NBN: variants seen among roughly 807,000 people sequenced by gnomAD.
The protein encoded by NBN is Nijmegen breakage syndrome 1 (nibrin).
NBN carries 88 observed loss-of-function variants against 90.8 expected under a neutral mutation model. The ratio of observed to expected loss-of-function variants is 0.97; its 90% CI spans 0.82 to 1.16. NBN has a LOEUF of 1.16. NBN is among the 50% of genes most tolerant of loss of function. The probability of loss-of-function intolerance (pLI) is 0.00; values close to 1 mark genes in which losing one functional copy is unlikely to be tolerated. For missense variants in NBN, 894 were observed against 869.6 expected, an observed-to-expected ratio of 1.03 and a Z score of -0.35; for synonymous variants, 328 against 295.1, an observed-to-expected ratio of 1.11 and a Z score of -1.14.
At chr8:89,946,101 T>C in intron 13 of NBN, 39 bp downstream of exon 13, 1 of 1,456,934 alleles carries the variant, frequency 6.9e-7, no homozygotes, top group South Asian at 1.1e-5. Context: ...TAAAAACATT[T>C]CAAACACTGA....
intron 11 of NBN, among the ~76,000 whole-genome samples, chr8:89,952,579 C>T (rs940346023): frequency 6.6e-6 from 1 of 152,160 alleles, no homozygotes; most frequent in African/African-American, 2.4e-5. Flanking sequence ...TATCCTTTCG[C>T]CTATTCCTGT....
At chr8:89,944,504 CTTCTGCAGTG>C (rs1384538791) in intron 13 of NBN, among the ~76,000 whole-genome samples, 1 of 152,168 alleles carries the variant, frequency 6.6e-6, no homozygotes, top group Non-Finnish European at 1.5e-5. Context: ...CCTCTGCATT[CTTCTGCAGTG>C]TTCTTCCTTT....
intron 14 of NBN, among the ~76,000 whole-genome samples, chr8:89,942,319 A>C (rs1403524149): frequency 6.6e-6 from 1 of 152,172 alleles, no homozygotes; most frequent in East Asian, 1.9e-4. Flanking sequence ...TGATTCAAAG[A>C]ATCACAAGGA....
chr8:89,960,903 C>T (rs1006033151), intron 8 of NBN, among the ~76,000 whole-genome samples: 24 of 152,108 alleles, frequency 1.6e-4, no homozygotes, highest in Admixed American at 1.5e-3. Flanking sequence ...CTCTGTTCCC[C>T]CAAAGTTGGT....
chr8:89,947,656 AAAT>A lies in NBN; in HGVS notation c.1914+165_1914+167del, dbSNP rs531725950. On this transcript the variant is annotated intron_variant, in intron 12 of 15. Coordinates refer to ENST00000265433, the MANE Select transcript of NBN (RefSeq NM_002485.5). ...AAATAAATAAATAAACAAATAAATA[AAAT>A]AATAATAATAATAATACCATGATCA... 1.4e-3 allele frequency among the ~76,000 whole-genome samples: 211 copies of A among 151,828 alleles called. 1 individual carries two copies. The East Asian group carries it at 0.018, about 13-fold the overall frequency.
chr8:89,954,165 G>A (rs1382794118), intron 10 of NBN, among the ~76,000 whole-genome samples: 1 of 152,052 alleles, frequency 6.6e-6, no homozygotes, highest in East Asian at 1.9e-4. Flanking sequence ...CAAATGCTAT[G>A]TGAATATATC....
intron 5 of NBN, among the ~76,000 whole-genome samples, chr8:89,976,008 T>C (rs1251410010): frequency 6.6e-6 from 1 of 152,128 alleles, no homozygotes; most frequent in Non-Finnish European, 1.5e-5. Context: ...GATCAGTGCT[T>C]TCAACTTCTT....
At chr8:89,936,904 T>C in intron 15 of NBN, 122 bp downstream of exon 15, 2 of 732,982 alleles carry the variant, frequency 2.7e-6, no homozygotes, top group East Asian at 5.3e-5. Context: ...TAAACACTTG[T>C]GTTAGGTGAA....
Position 89,958,784 on chromosome 8 carries a change from G to A in NBN, c.1065C>T (p.Ser355=), listed in dbSNP as rs876659205. 2.1e-5 allele frequency: 34 copies of A among 1,613,934 alleles called. No individual in the cohort carries two copies. Among genetic ancestry groups the A allele is most frequent in the Middle Eastern group, 1.6e-4 (1 of 6,082 alleles). Residue 355 remains serine (S), a synonymous_variant, in exon 9 of 16, where the codon AGC becomes AGT. Coordinates refer to ENST00000265433, the MANE Select transcript of NBN (RefSeq NM_002485.5). ...CGTATGTTGTAGTGTTCACTGGGGC[G>A]CTTGGCATTAGTTTTTCATCAACTG... ...GVSVDEKLMP[S]APVNTTTYVA...
chr8:89,952,265 T>C (rs1810478330), intron 11 of NBN, among the ~76,000 whole-genome samples: 1 of 152,200 alleles, frequency 6.6e-6, no homozygotes, highest in Non-Finnish European at 1.5e-5. Flanking sequence ...AGGGAACTTA[T>C]CCTGGGAAGG....
chr8:89,953,163 T>C lies in NBN; in HGVS notation c.1845+81A>G, dbSNP rs1184659393. Reference sequence around the variant, plus strand: ...TGTTAAAGACATTAATGGATGCTCATACTGTCAATACAAAATCGAAAGTAC... The same window carrying C: ...TGTTAAAGACATTAATGGATGCTCACACTGTCAATACAAAATCGAAAGTAC... On this transcript the variant is annotated intron_variant, in intron 11 of 15. Coordinates refer to ENST00000265433, the MANE Select transcript of NBN (RefSeq NM_002485.5). 11 of 1,014,772 alleles carry C rather than the reference T, an allele frequency of 1.1e-5. No individual in the cohort carries two copies. The African/African-American group carries it at 1.1e-4, about 10-fold the overall frequency. The allele number at this position is 1,014,772 out of a possible 1,614,324, so 62.9% of individuals were successfully genotyped here.
rs2129888979 is a variant in NBN, at chr8:89,978,270, A to T, written c.534T>A (p.Thr178=). 6 of 1,603,024 alleles carry T rather than the reference A, an allele frequency of 3.7e-6. No homozygotes were observed. Among genetic ancestry groups the T allele is most frequent in the Non-Finnish European group, 5.1e-6 (6 of 1,170,074 alleles). ...GRPIVKPEYF[T]EFLKAVESKK... ...TGGACTCAACTGCTTTCAGGAATTCAGTAAAATATTCTGGCTTTACAATTG... is the reference window on the plus strand; with the variant it reads ...TGGACTCAACTGCTTTCAGGAATTCTGTAAAATATTCTGGCTTTACAATTG... The change falls in exon 5 of 16, where the codon ACT becomes ACA. Residue 178 remains threonine, a synonymous_variant. Transcript: ENST00000265433.
In NBN at chr8:89,953,402, A is replaced by C; in HGVS notation, c.1687T>G (p.Leu563Val). 2.5e-6 allele frequency: 4 copies of C among 1,613,738 alleles called. No homozygotes were observed. Among genetic ancestry groups the C allele is most frequent in the Non-Finnish European group, 3.4e-6 (4 of 1,179,828 alleles). Residue 563 changes from leucine (L) to valine (V), a missense_variant, in exon 11 of 16, where the codon TTG becomes GTG. Transcript: ENST00000265433. ...MDDVAIEDEV[L>V]EQLFKDTKPE... ...TTTGTGTCCTTGAATAACTGTTCCA[A>C]TACTTCATCTTCTATGGCCACATCA...
intron 8 of NBN, 86 bp downstream of exon 8, chr8:89,964,323 CT>C (rs1811136763): frequency 1.4e-6 from 2 of 1,432,250 alleles, no homozygotes; most frequent in East Asian, 2.3e-5. Context: ...ATGGTCACCC[CT>C]AGCAAGTATA....
At chr8:89,970,663 C>T (rs1036593532) in intron 6 of NBN, 106 bp from the exon 7 acceptor site, 38 of 1,135,646 alleles carry the variant, frequency 3.3e-5, no homozygotes, top group Non-Finnish European at 4.9e-5. Flanking sequence ...AGACTTGGTG[C>T]TACTTCTTGA....
chr8:89,960,911 G>C (rs1303307729), intron 8 of NBN, among the ~76,000 whole-genome samples: 1 of 152,146 alleles, frequency 6.6e-6, no homozygotes, highest in African/African-American at 2.4e-5. Flanking sequence ...CCCCAAAGTT[G>C]GTTGTGCTAT....
At chr8:89,950,487 T>TA (rs1810397860) in intron 11 of NBN, among the ~76,000 whole-genome samples, 1 of 152,116 alleles carries the variant, frequency 6.6e-6, no homozygotes, top group Non-Finnish European at 1.5e-5. Context: ...CACAGGTTGG[T>TA]AAAATCAGAG....
At chr8:89,961,083 T>C (rs1810970454) in intron 8 of NBN, among the ~76,000 whole-genome samples, 1 of 152,228 alleles carries the variant, frequency 6.6e-6, no homozygotes, top group Non-Finnish European at 1.5e-5. Flanking sequence ...AGTCTGGTAG[T>C]CAGAAAACCA....
intron 4 of NBN, 71 bp downstream of exon 4, chr8:89,980,663 A>T: frequency 7.6e-7 from 1 of 1,320,108 alleles, no homozygotes; most frequent in Non-Finnish European, 1.1e-6. Flanking sequence ...TTAAAAAAAA[A>T]TCTGTGTATA....
Sources: gnomAD v4.1 joint callset for allele counts (sites outside exome capture counted in the v4.1 genomes callset) on GRCh38, gnomAD v4.1.1 for gene constraint, MANE v1.5 for transcripts, NCBI Gene and HGNC (gene_info 2026-07-23, HGNC 2026-07-21) for gene names.